The following PLEKHG1 variants were observed in gnomAD, a reference collection of about 807,000 sequenced individuals.
PLEKHG1 encodes pleckstrin homology and RhoGEF domain containing G1, also known as pleckstrin homology domain-containing family G member 1.
Under a neutral mutation model 100.8 loss-of-function variants are expected in PLEKHG1, and 44 were observed. The ratio of observed to expected loss-of-function variants is 0.44; its 90% confidence interval spans 0.34 to 0.56. PLEKHG1 has a LOEUF of 0.56. Among genes scored for constraint, PLEKHG1 ranks in the 20% least tolerant of loss-of-function variants. PLEKHG1 has a pLI of 0.01. For synonymous variants in PLEKHG1, 640 were observed against 662.5 expected, an observed-to-expected ratio of 0.97 and a Z score of 0.52; for missense variants, 1,545 against 1,720.9, an observed-to-expected ratio of 0.90 and a Z score of 1.81.
intron 1 of PLEKHG1, among the ~76,000 whole-genome samples, chr6:150,617,360 G>T (rs1251068446): frequency 6.6e-6 from 1 of 152,190 alleles, no homozygotes; most frequent in Non-Finnish European, 1.5e-5. Context: ...TGAGTCAACG[G>T]AATTGTTGTT....
rs58003146 is a variant in PLEKHG1 at position 150,742,564 on chromosome 6, C to CA, written c.411+8500dup. Among the ~76,000 whole-genome samples, 124 of 48,368 alleles carry CA rather than the reference C, an allele frequency of 2.6e-3. 7 individuals carry two copies. The highest frequency in any genetic ancestry group is 9.0e-3 in the African/African-American group (107 of 11,832). 31.7% of individuals were successfully genotyped at this position (48,368 alleles called of 152,430 possible). A position where few individuals can be genotyped will look rare whatever the true frequency, so the allele number is the denominator to read the frequency against. ...TAGGCAATAGAGTGAGACTCCATCT[C>CA]AAAAAAAAAAAAAAAAAAAAAAAAA... On this transcript the variant is annotated intron_variant, in intron 2 of 15. Transcript: ENST00000358517.
At position 150,650,800 on chromosome 6, in the gene PLEKHG1, A is replaced by G. The variant is rs1007566305; in HGVS notation, c.-99+14A>G. ...TCAACTATAAAAGTGAGCTCTTTTCATTTTTTTGCCCCTTGAGTATGAAAC... is the reference window on the plus strand; with the variant it reads ...TCAACTATAAAAGTGAGCTCTTTTCGTTTTTTTGCCCCTTGAGTATGAAAC... On this transcript the variant is annotated intron_variant, in intron 3 of 3. Transcript: ENST00000367326. The G allele has an allele frequency of 1.3e-5, 2 of 152,164 alleles. No individual in the cohort carries two copies. The highest frequency in any genetic ancestry group is 2.4e-5 in the African/African-American group (1 of 41,436). The allele number at this position is 152,164 out of a possible 1,614,324, so 9.4% of individuals were successfully genotyped here. A position where few individuals can be genotyped will look rare whatever the true frequency, so the allele number is the denominator to read the frequency against.
intron 5 of PLEKHG1, among the ~76,000 whole-genome samples, chr6:150,797,148 T>C (rs1376365350): frequency 6.6e-6 from 1 of 151,952 alleles, no homozygotes; most frequent in African/African-American, 2.4e-5. Context: ...CCCACCAGAC[T>C]TTGAGTTATC....
intron 1 of PLEKHG1, among the ~76,000 whole-genome samples, chr6:150,628,010 A>G (rs1174934364): frequency 6.6e-6 from 1 of 152,248 alleles, no homozygotes; most frequent in East Asian, 1.9e-4. Flanking sequence ...ATTTATTTAA[A>G]TGATATCCTG....
chr6:150,601,830 G>A (rs1023128139), intron 1 of PLEKHG1, among the ~76,000 whole-genome samples: 47 of 152,150 alleles, frequency 3.1e-4, no homozygotes, highest in African/African-American at 1.1e-3. Context: ...GATTCTGCTC[G>A]TCCTTGGTGG....
At chr6:150,822,804 A>G (rs1380297710) in intron 13 of PLEKHG1, among the ~76,000 whole-genome samples, 1 of 152,178 alleles carries the variant, frequency 6.6e-6, no homozygotes, top group Non-Finnish European at 1.5e-5. Flanking sequence ...ACATGGCAAG[A>G]TCCCATCTCT....
intron 2 of PLEKHG1, among the ~76,000 whole-genome samples, chr6:150,766,255 A>G (rs1784449354): frequency 6.6e-6 from 1 of 152,226 alleles, no homozygotes; most frequent in African/African-American, 2.4e-5. Flanking sequence ...TTGATCCTTC[A>G]TAGTTGTTAA....
chr6:150,643,598 CT>C (rs1778362323), intron 2 of PLEKHG1, among the ~76,000 whole-genome samples: 1 of 152,198 alleles, frequency 6.6e-6, no homozygotes, highest in African/African-American at 2.4e-5. Flanking sequence ...CCTGATATAT[CT>C]GTCAAAGCAC....
At chr6:150,627,770 A>G (rs1777565491) in intron 1 of PLEKHG1, among the ~76,000 whole-genome samples, 1 of 152,220 alleles carries the variant, frequency 6.6e-6, no homozygotes, top group South Asian at 2.1e-4. Flanking sequence ...TATCTGTGTC[A>G]ACATATGTTT....
intron 3 of PLEKHG1, among the ~76,000 whole-genome samples, chr6:150,696,174 A>G (rs1780534844): frequency 6.6e-6 from 1 of 152,214 alleles, no homozygotes; most frequent in South Asian, 2.1e-4. Context: ...TAGTTCTTAA[A>G]GTCCACATAT....
intron 3 of PLEKHG1, among the ~76,000 whole-genome samples, chr6:150,691,030 A>G (rs1415869147): frequency 6.6e-6 from 1 of 152,154 alleles, no homozygotes; most frequent in Non-Finnish European, 1.5e-5. Context: ...CTCTAAATCC[A>G]CCATGGCGGT....
At chr6:150,810,313 A>G (rs891129917) in intron 10 of PLEKHG1, among the ~76,000 whole-genome samples, 1 of 148,508 alleles carries the variant, frequency 6.7e-6, no homozygotes, top group Admixed American at 6.6e-5. Context: ...TCTGTCACCC[A>G]GGCTGGAGTG....
At chr6:150,691,642 T>C (rs918910247) in intron 3 of PLEKHG1, among the ~76,000 whole-genome samples, 1 of 152,322 alleles carries the variant, frequency 6.6e-6, no homozygotes, top group Middle Eastern at 3.4e-3. Context: ...ATTTTTAAGA[T>C]TTTTTCTAAA....
intron 3 of PLEKHG1, among the ~76,000 whole-genome samples, chr6:150,689,589 A>C (rs1780266237): frequency 6.6e-6 from 1 of 152,222 alleles, no homozygotes. Flanking sequence ...TTGGCCGGGC[A>C]TGGTGGCTCA....
intron 3 of PLEKHG1, among the ~76,000 whole-genome samples, chr6:150,777,905 A>G (rs987247625): frequency 3.9e-5 from 6 of 152,284 alleles, no homozygotes; most frequent in Non-Finnish European, 8.8e-5. Context: ...TAACTGTAGA[A>G]TCATCCCGTG....
In PLEKHG1 at chr6:150,683,768, G is replaced by A. The variant is rs1415259794; in HGVS notation, c.-99+32982G>A. ...ATAGGACGTCTGAAGGAAAGATGGA[G>A]CCATTCTTGGTGGGGCGGAAGAGGC... is the stretch of plus-strand genomic sequence containing the variant. On this transcript the variant is annotated intron_variant, in intron 3 of 3. Coordinates refer to the PLEKHG1 transcript ENST00000367326. The surrounding 1 kb of genome is among the most constrained non-coding windows in gnomAD (Gnocchi z 4.0). The A allele has an allele frequency of 2.3e-6, 3 of 1,287,262 alleles. No individual in the cohort carries two copies. Among genetic ancestry groups the A allele is most frequent in the South Asian group, 1.2e-5 (1 of 80,892 alleles). 79.7% of individuals were successfully genotyped at this position (1,287,262 alleles called of 1,614,324 possible). A position where few individuals can be genotyped will look rare whatever the true frequency, so the allele number is the denominator to read the frequency against.
chr6:150,811,794 C>G (rs1325038692), intron 10 of PLEKHG1, among the ~76,000 whole-genome samples: 1 of 152,062 alleles, frequency 6.6e-6, no homozygotes, highest in African/African-American at 2.4e-5. Context: ...TCTGAGGAAT[C>G]TGGACGCGTT....
chr6:150,644,332 G>GGGTTTTTTTTTTTTTTTTT (rs1562404967), intron 2 of PLEKHG1, among the ~76,000 whole-genome samples: 14 of 96,558 alleles, frequency 1.4e-4, no homozygotes, highest in African/African-American at 5.7e-4. Flanking sequence ...TTTTCTTTTC[G>GGGTTTTTTTTTTTTTTTTT]TGTTTTTTTT....
intron 4 of PLEKHG1, among the ~76,000 whole-genome samples, chr6:150,793,083 G>T (rs1583141529): frequency 6.6e-6 from 1 of 152,176 alleles, no homozygotes; most frequent in African/African-American, 2.4e-5. Flanking sequence ...TGACGCTGGA[G>T]AACCAATACA....
Sources: allele counts gnomAD v4.1 joint callset (sites outside exome capture counted in the v4.1 genomes callset), GRCh38; gene constraint gnomAD v4.1.1; non-coding constraint Gnocchi (gnomAD v3.1); transcripts MANE v1.5; gene names NCBI Gene and HGNC (gene_info 2026-07-23, HGNC 2026-07-21).